ARFGEF2: variants seen among roughly 807,000 people sequenced by gnomAD.
ARFGEF2 encodes the protein brefeldin A-inhibited guanine nucleotide-exchange protein 2.
Under a neutral mutation model 219.9 loss-of-function variants are expected in ARFGEF2, and 74 were observed. That is an observed-to-expected ratio of 0.34 (90% CI 0.28 to 0.41). The LOEUF is 0.41. Ranked by LOEUF, ARFGEF2 falls within the 10% of genes least tolerant of loss-of-function variation. The pLI, the probability that ARFGEF2 is intolerant of heterozygous loss-of-function variation, is 1.00. For missense variants in ARFGEF2, 1,743 were observed against 2,218.3 expected, an observed-to-expected ratio of 0.79 and a Z score of 4.30; for synonymous variants, 733 against 799.2, an observed-to-expected ratio of 0.92 and a Z score of 1.40.
At chr20:48,981,886 T>C (rs546169706) in intron 14 of ARFGEF2, among the ~76,000 whole-genome samples, 1 of 152,360 alleles carries the variant, frequency 6.6e-6, no homozygotes, top group African/African-American at 2.4e-5. Flanking sequence ...ATTCGTCTAA[T>C]CTTTTTTCAA....
chr20:49,006,985 T>C (rs993066677), intron 26 of ARFGEF2, among the ~76,000 whole-genome samples: 6 of 151,608 alleles, frequency 4.0e-5, no homozygotes, highest in African/African-American at 1.5e-4. Context: ...CGGCCTGCCA[T>C]TGGAGGATTT....
chr20:49,010,843 A>G (rs2091493291), intron 27 of ARFGEF2, among the ~76,000 whole-genome samples: 1 of 152,264 alleles, frequency 6.6e-6, no homozygotes, highest in Non-Finnish European at 1.5e-5. Context: ...CAACATGTGC[A>G]TGCACAGAAG....
chr20:48,989,390 C>A lies in ARFGEF2; in HGVS notation c.2639C>A (p.Pro880Gln), dbSNP rs183852730. The part of the protein sequence containing the change: ...LMEAVSHAKA[P>Q]FTSATHLDHV... ...GAGGCTGTGAGCCATGCCAAAGCCC[C>A]GTTTACCAGTGCCACTCACCTGGAC... Residue 880 changes from proline (P) to glutamine (Q), a missense_variant, in exon 19 of 39, where the codon CCG becomes CAG. Physicochemically the swap from Pro to Gln is moderately conservative, Grantham distance 76. Coordinates refer to ENST00000371917, the MANE Select transcript of ARFGEF2 (RefSeq NM_006420.3). The A allele has an allele frequency of 6.2e-7, 1 of 1,614,098 alleles. No homozygotes were observed. The highest frequency in any genetic ancestry group is 1.3e-5 in the African/African-American group (1 of 74,932).
chr20:49,010,039 A>T (rs2091487110), intron 26 of ARFGEF2, among the ~76,000 whole-genome samples, 193 bp from the exon 27 acceptor site: 1 of 152,214 alleles, frequency 6.6e-6, no homozygotes, highest in South Asian at 2.1e-4. Flanking sequence ...TCGTGATTGC[A>T]GGATGGTGGT....
chr20:49,033,880 G>T lies in ARFGEF2; in HGVS notation c.*681G>T, dbSNP rs550835984. ...GCGAGGTTAAAAAAATGTGCCTCGT[G>T]GATCTCCCTGTTTTAGTAACATGGA... On this transcript the variant is annotated 3_prime_UTR_variant, in exon 39 of 39. Transcript: ENST00000371917. 7.9e-5 allele frequency: 12 copies of T among 152,562 alleles called. No homozygotes were observed. In the East Asian group the frequency reaches 1.9e-3, roughly 25 times the overall value. The allele number at this position is 152,562 out of a possible 1,614,324, so 9.5% of individuals were successfully genotyped here.
intron 8 of ARFGEF2, among the ~76,000 whole-genome samples, chr20:48,966,245 G>C (rs1275884669): frequency 6.6e-6 from 1 of 152,120 alleles, no homozygotes; most frequent in African/African-American, 2.4e-5. Flanking sequence ...TGTTTACTCA[G>C]ACTTCTAATA....
Position 49,036,154 on chromosome 20 carries a change from C to T in ARFGEF2, c.*2955C>T, listed in dbSNP as rs529968229. 24 of 398,314 alleles carry T rather than the reference C, an allele frequency of 6.0e-5. No homozygotes were observed. Among genetic ancestry groups the T allele is most frequent in the African/African-American group, 4.7e-4 (23 of 48,740 alleles). 24.7% of individuals were successfully genotyped at this position (398,314 alleles called of 1,614,324 possible). ...AAATGGATATTGGTTTCAATAGAAG[C>T]TGGATCCTTAATACTGCATTTTCTG... On this transcript the variant is annotated 3_prime_UTR_variant, in exon 39 of 39. Coordinates refer to ENST00000371917, the MANE Select transcript of ARFGEF2 (RefSeq NM_006420.3).
intron 34 of ARFGEF2, among the ~76,000 whole-genome samples, chr20:49,020,803 A>G (rs926538778): frequency 3.9e-5 from 6 of 152,104 alleles, no homozygotes; most frequent in Non-Finnish European, 8.8e-5. Context: ...GGCCAAGTAT[A>G]CATTTCTTTC....
rs3091497 is a variant in ARFGEF2, at chr20:49,028,890, G to T, written c.5063+222G>T. Among the ~76,000 whole-genome samples, 103,774 of 152,024 alleles carry T rather than the reference G, an allele frequency of 0.68. 36,816 individuals are homozygous for T. The highest frequency in any genetic ancestry group is 0.9 in the African/African-American group (37,243 of 41,504). Reference sequence around the variant, plus strand: ...TAAGCCCTTGCTTGAGCCCAGGAGTGGAAGGGTGCTGTGAGCTATGCATAG... The same window carrying T: ...TAAGCCCTTGCTTGAGCCCAGGAGTTGAAGGGTGCTGTGAGCTATGCATAG... On this transcript the variant is annotated intron_variant, in intron 37 of 38. Coordinates refer to ENST00000371917, the MANE Select transcript of ARFGEF2 (RefSeq NM_006420.3).
chr20:48,921,754 C>T lies in ARFGEF2; in HGVS notation c.-136C>T, dbSNP rs577508473. 3 of 926,138 alleles carry T rather than the reference C, an allele frequency of 3.2e-6. No homozygotes were observed. The highest frequency in any genetic ancestry group is 5.5e-5 in the East Asian group (1 of 18,134). 57.4% of individuals were successfully genotyped at this position (926,138 alleles called of 1,614,324 possible). Reference sequence around the variant, plus strand: ...CTCCAACATGGCGGCGCCGTGGGGCCGAGGTGTCGCTTCCTGACGGGGCGG... The same window carrying T: ...CTCCAACATGGCGGCGCCGTGGGGCTGAGGTGTCGCTTCCTGACGGGGCGG... On this transcript the variant is annotated 5_prime_UTR_variant, in exon 1 of 39. The change creates a premature stop within an existing upstream ORF in the 5' untranslated region. Coordinates refer to ENST00000371917, the MANE Select transcript of ARFGEF2 (RefSeq NM_006420.3).
At chr20:49,012,127 A>G (rs1344002354) in intron 28 of ARFGEF2, 43 bp downstream of exon 28, 1 of 1,613,296 alleles carries the variant, frequency 6.2e-7, no homozygotes, top group Admixed American at 1.7e-5. Context: ...GTGAAGGGAA[A>G]AGGTCATGGA....
Position 49,008,214 on chromosome 20 carries a change from T to TA in ARFGEF2, c.3585-2015dup, listed in dbSNP as rs557474434. Among the ~76,000 whole-genome samples the TA allele has an allele frequency of 6.6e-5, 10 of 152,298 alleles. No homozygotes were observed. In the South Asian group the frequency reaches 2.1e-3, roughly 32 times the overall value. On this transcript the variant is annotated intron_variant, in intron 26 of 38. Coordinates refer to ENST00000371917, the MANE Select transcript of ARFGEF2 (RefSeq NM_006420.3). Reference sequence around the variant, plus strand: ...ACAAACTATCTAAATAAACAAGTGTTAAAGTAAATGTTGGTACCGGTACAA... The same window carrying TA: ...ACAAACTATCTAAATAAACAAGTGTTAAAAGTAAATGTTGGTACCGGTACAA...
At chr20:48,933,202 T>C (rs529430631) in intron 1 of ARFGEF2, among the ~76,000 whole-genome samples, 14 of 152,330 alleles carry the variant, frequency 9.2e-5, no homozygotes, top group Admixed American at 6.5e-4. Flanking sequence ...AATTGCCCCA[T>C]TGGCAGTTGG....
Position 49,025,359 on chromosome 20 carries a change from G to C in ARFGEF2, c.4802G>C (p.Gly1601Ala). Reference protein sequence around the residue: ...ADIHIETEDQGMYKYMSSQHL... With the variant: ...ADIHIETEDQAMYKYMSSQHL... Reference sequence around the variant, plus strand: ...ATCCACATAGAGACGGAGGATCAGGGCATGTATAAGTACATGTCTTCCCAG... The same window carrying C: ...ATCCACATAGAGACGGAGGATCAGGCCATGTATAAGTACATGTCTTCCCAG... Residue 1601 changes from glycine to alanine, a missense_variant, in exon 36 of 39, where the codon GGC becomes GCC. Coordinates refer to ENST00000371917, the MANE Select transcript of ARFGEF2 (RefSeq NM_006420.3). 6.2e-7 allele frequency: 1 copy of C among 1,613,884 alleles called. No individual in the cohort carries two copies. The highest frequency in any genetic ancestry group is 8.5e-7 in the Non-Finnish European group (1 of 1,179,892).
intron 36 of ARFGEF2, among the ~76,000 whole-genome samples, chr20:49,025,761 C>G (rs1168689939): frequency 1.3e-5 from 2 of 151,986 alleles, no homozygotes; most frequent in Non-Finnish European, 2.9e-5. Flanking sequence ...CAGCCAAGAT[C>G]ACTTGAGGCC....
intron 1 of ARFGEF2, among the ~76,000 whole-genome samples, chr20:48,928,688 G>A (rs1380667990): frequency 6.7e-6 from 1 of 149,824 alleles, no homozygotes. Context: ...TAGAGACGGG[G>A]TTTCACCGTG....
At chr20:48,953,831 A>G (rs1313465526) in intron 6 of ARFGEF2, 41 bp downstream of exon 6, 1 of 1,582,318 alleles carries the variant, frequency 6.3e-7, no homozygotes, top group Non-Finnish European at 8.7e-7. Flanking sequence ...CAAGTGTGAG[A>G]GGGAATCAGC....
chr20:48,940,313 G>C (rs1454603452), intron 1 of ARFGEF2, among the ~76,000 whole-genome samples: 1 of 152,112 alleles, frequency 6.6e-6, no homozygotes, highest in African/African-American at 2.4e-5. Context: ...TGGTTAAGAT[G>C]GTAAATTTTA....
chr20:49,026,260 G>A (rs1357622722), intron 36 of ARFGEF2, among the ~76,000 whole-genome samples: 4 of 152,146 alleles, frequency 2.6e-5, no homozygotes, highest in African/African-American at 9.7e-5. Flanking sequence ...GAGCCTAGGA[G>A]GTGGAGGTTG....
Sources: allele counts gnomAD v4.1 joint callset (sites outside exome capture counted in the v4.1 genomes callset), GRCh38; gene constraint gnomAD v4.1.1; transcripts MANE v1.5; gene names NCBI Gene and HGNC (gene_info 2026-07-23, HGNC 2026-07-21).